Variants in CMIP observed in about 807,000 individuals in gnomAD.
CMIP encodes the protein c-Maf inducing protein, also known as C-Maf-inducing protein.
A neutral mutation model predicts 97.3 loss-of-function variants in CMIP; 13 were observed. The observed-to-expected ratio is 0.13, with a 90% CI of 0.09 to 0.21. CMIP has a LOEUF of 0.21. Among genes scored for constraint, CMIP ranks in the 10% least tolerant of loss-of-function variants. The probability of loss-of-function intolerance (pLI) is 1.00; values close to 1 mark genes in which losing one functional copy is unlikely to be tolerated. For missense variants in CMIP, 847 were observed against 1,024.9 expected (o/e 0.83, Z 2.37); for synonymous variants, 538 against 436.3 (o/e 1.23, Z -2.91).
At chr16:81,575,474 C>T (rs935244277) in intron 1 of CMIP, among the ~76,000 whole-genome samples, 4 of 152,102 alleles carry the variant, frequency 2.6e-5, no homozygotes, top group South Asian at 2.1e-4. Context: ...GAGTCGAGTC[C>T]GTAGATCATC....
chr16:81,522,265 C>G (rs886249416), intron 1 of CMIP, among the ~76,000 whole-genome samples: 2 of 152,186 alleles, frequency 1.3e-5, no homozygotes, highest in East Asian at 3.8e-4. Flanking sequence ...TGGGCCCTGT[C>G]ATCAGAGCCC....
intron 1 of CMIP, among the ~76,000 whole-genome samples, chr16:81,581,695 T>A (rs2150905801): frequency 6.6e-6 from 1 of 152,240 alleles, no homozygotes; most frequent in African/African-American, 2.4e-5. Flanking sequence ...TCCTTATTCC[T>A]CACCATAACA....
intron 1 of CMIP, among the ~76,000 whole-genome samples, chr16:81,456,498 G>A (rs183767748): frequency 6.6e-6 from 1 of 152,214 alleles, no homozygotes; most frequent in Non-Finnish European, 1.5e-5. Context: ...AGTAAGGATA[G>A]TGAGCACTTA....
At chr16:81,651,013 C>T (rs182260858) in intron 3 of CMIP, among the ~76,000 whole-genome samples, 9 of 152,260 alleles carry the variant, frequency 5.9e-5, no homozygotes, top group South Asian at 2.1e-4. Flanking sequence ...AGAAACTCAG[C>T]GGTCAGGGAG....
At chr16:81,450,147 A>T (rs1478887150) in intron 1 of CMIP, among the ~76,000 whole-genome samples, 1 of 152,190 alleles carries the variant, frequency 6.6e-6, no homozygotes, top group South Asian at 2.1e-4. Flanking sequence ...GTAGAAGGCA[A>T]AGCTGTCCCA....
At chr16:81,685,068 C>T (rs1408580546) in intron 10 of CMIP, among the ~76,000 whole-genome samples, 2 of 152,232 alleles carry the variant, frequency 1.3e-5, no homozygotes, top group African/African-American at 2.4e-5. Flanking sequence ...TCTTCGTGGG[C>T]CTGCCAGTCT....
chr16:81,677,814 C>A (rs1478003780), intron 9 of CMIP, among the ~76,000 whole-genome samples: 2 of 152,122 alleles, frequency 1.3e-5, no homozygotes, highest in Non-Finnish European at 2.9e-5. Flanking sequence ...GAGCAGAGTC[C>A]TGGAGGACAT....
chr16:81,479,171 C>T (rs986470501), intron 1 of CMIP, among the ~76,000 whole-genome samples: 6 of 152,264 alleles, frequency 3.9e-5, no homozygotes, highest in Non-Finnish European at 7.3e-5. Context: ...AGAGAAAACA[C>T]ATGCGTAGCC....
chr16:81,564,000 G>T (rs980813157), intron 1 of CMIP, among the ~76,000 whole-genome samples: 1 of 152,244 alleles, frequency 6.6e-6, no homozygotes, highest in Non-Finnish European at 1.5e-5. Context: ...CAGAGCCTGA[G>T]CCCAGGGCCA....
intron 4 of CMIP, among the ~76,000 whole-genome samples, chr16:81,657,074 AAC>A (rs1271123278): frequency 6.6e-6 from 1 of 152,232 alleles, no homozygotes; most frequent in Non-Finnish European, 1.5e-5. Context: ...GGAAATCCAA[AAC>A]ACATGTTCCC....
chr16:81,647,709 C>T (rs557287967), intron 3 of CMIP, among the ~76,000 whole-genome samples: 2 of 152,108 alleles, frequency 1.3e-5, no homozygotes, highest in Non-Finnish European at 2.9e-5. Flanking sequence ...TATCCCAGCT[C>T]CACCATGATT....
rs79859338 is a variant in CMIP at position 81,669,859 on chromosome 16, C to T, written c.826-283C>T. ...CTTTCTGGCTCTCTTTTCTCTTTCT[C>T]GTCTCATTTGTCTCACAAGTGCCTT... On this transcript the variant is annotated intron_variant, in intron 7 of 20. Coordinates refer to ENST00000537098, the MANE Select transcript of CMIP (RefSeq NM_198390.3). 6.4e-3 allele frequency among the ~76,000 whole-genome samples: 982 copies of T among 152,332 alleles called. 24 individuals are homozygous for T. The highest frequency in any genetic ancestry group is 0.051 in the Admixed American group (779 of 15,302).
intron 10 of CMIP, among the ~76,000 whole-genome samples, chr16:81,691,150 T>C (rs1478447387): frequency 6.6e-6 from 1 of 152,172 alleles, no homozygotes; most frequent in African/African-American, 2.4e-5. Flanking sequence ...ATCAACCTCA[T>C]AGCTTACTCA....
intron 1 of CMIP, among the ~76,000 whole-genome samples, chr16:81,466,945 G>T (rs190819204): frequency 6.6e-6 from 1 of 152,078 alleles, no homozygotes; most frequent in African/African-American, 2.4e-5. Flanking sequence ...CTTTTTTCTT[G>T]TGCCTAATTT....
rs917423583 is a variant in CMIP at position 81,614,868 on chromosome 16, G to T, written c.427-6008G>T. ...TGCACATGTATCTCTGTGTGTGCAT[G>T]TGTGTGTGGTATGTGCATGTGTGTG... On this transcript the variant is annotated intron_variant, in intron 2 of 20. Coordinates refer to ENST00000537098, the MANE Select transcript of CMIP (RefSeq NM_198390.3). The surrounding 1 kb of genome is among the most constrained non-coding windows in gnomAD (Gnocchi z 5.3). 6.6e-6 allele frequency among the ~76,000 whole-genome samples: 1 copy of T among 151,720 alleles called. No homozygotes were observed. Among genetic ancestry groups the T allele is most frequent in the East Asian group, 1.9e-4 (1 of 5,186 alleles).
intron 1 of CMIP, among the ~76,000 whole-genome samples, chr16:81,603,976 A>G (rs1162303706): frequency 1.3e-5 from 2 of 152,214 alleles, no homozygotes; most frequent in Non-Finnish European, 2.9e-5. Flanking sequence ...GAACTCAGAG[A>G]GGGGGAGTAA....
chr16:81,661,040 C>G (rs1187844911), intron 6 of CMIP, 94 bp downstream of exon 6: 12 of 1,487,712 alleles, frequency 8.1e-6, no homozygotes, highest in East Asian at 2.3e-5. Context: ...GGCCAAAAAC[C>G]TGGGCCCCAC....
intron 1 of CMIP, among the ~76,000 whole-genome samples, chr16:81,576,086 C>T (rs2150896612): frequency 6.6e-6 from 1 of 152,236 alleles, no homozygotes. Context: ...TAAGATACTC[C>T]ATTTTCTTGC....
At chr16:81,689,620 T>C (rs918686764) in intron 10 of CMIP, among the ~76,000 whole-genome samples, 2 of 152,220 alleles carry the variant, frequency 1.3e-5, no homozygotes, top group Non-Finnish European at 2.9e-5. Flanking sequence ...TTCACTCTGA[T>C]GGTGGTTTCT....
Sources: gnomAD v4.1 joint callset for allele counts (sites outside exome capture counted in the v4.1 genomes callset) on GRCh38, gnomAD v4.1.1 for gene constraint, Gnocchi (gnomAD v3.1) non-coding constraint, MANE v1.5 for transcripts, NCBI Gene and HGNC (gene_info 2026-07-23, HGNC 2026-07-21) for gene names.